ARHGEF18: variants seen among roughly 807,000 people sequenced by gnomAD.
ARHGEF18 encodes the protein rho guanine nucleotide exchange factor 18.
ARHGEF18 carries 93 observed loss-of-function variants against 155.7 expected under a neutral mutation model. The ratio of observed to expected loss-of-function variants is 0.60; its 90% CI spans 0.50 to 0.71. ARHGEF18 has a LOEUF of 0.71. ARHGEF18 is among the 30% of genes least tolerant of loss of function. The probability of loss-of-function intolerance (pLI) is 0.00; values close to 1 mark genes in which losing one functional copy is unlikely to be tolerated. For synonymous variants in ARHGEF18, 742 were observed against 753.1 expected (o/e 0.99, Z 0.24); for missense variants, 1,593 against 1,816.1 (o/e 0.88, Z 2.23).
chr19:7,445,201 C>G (rs191205355), intron 14 of ARHGEF18, among the ~76,000 whole-genome samples: 3 of 152,296 alleles, frequency 2.0e-5, no homozygotes, highest in Admixed American at 2.0e-4. Flanking sequence ...AATCCCAGCA[C>G]TTTGGGAGGC....
chr19:7,387,311 C>T (rs1212191466), intron 10 of ARHGEF18, among the ~76,000 whole-genome samples: 3 of 152,002 alleles, frequency 2.0e-5, no homozygotes, highest in Non-Finnish European at 4.4e-5. Context: ...CGCCACCATG[C>T]CCGGCTAATT....
At chr19:7,410,315 G>T (rs3943931) in intron 10 of ARHGEF18, among the ~76,000 whole-genome samples, 95,544 of 151,624 alleles carry the variant, frequency 0.63, 30,952 homozygotes, top group Middle Eastern at 0.79. Context: ...TCCTCTGTCC[G>T]TCTTAGAGTC....
chr19:7,386,379 C>T (rs1489566451), intron 10 of ARHGEF18, among the ~76,000 whole-genome samples: 1 of 151,852 alleles, frequency 6.6e-6, no homozygotes, highest in East Asian at 1.9e-4. Flanking sequence ...TGAAAAGCAT[C>T]CATCGTCTTC....
rs544935869 is a variant in ARHGEF18, at chr19:7,459,130, C to T, written c.2360+440C>T. On this transcript the variant is annotated intron_variant, in intron 19 of 28. Transcript: ENST00000668164. The stretch of plus-strand genomic sequence containing the variant: ...TGCAATCTCGGCTCACTGCAGCCTC[C>T]GCCTCCCAGGTTCAAACGATTCTGC... Among the ~76,000 whole-genome samples the T allele has an allele frequency of 5.9e-5, 9 of 152,114 alleles. No homozygotes were observed. In the South Asian group the frequency reaches 1.2e-3, roughly 21 times the overall value.
In ARHGEF18 at chr19:7,466,829, TA is replaced by T. The variant is rs369506925; in HGVS notation, c.2905-80del. 722 of 899,512 alleles carry T rather than the reference TA, an allele frequency of 8.0e-4. 6 individuals are homozygous for T. In the African/African-American group the frequency reaches 0.011, roughly 14 times the overall value. 55.7% of individuals were successfully genotyped at this position (899,512 alleles called of 1,614,324 possible). ...CAAAAAAAAAAAAAAAAAAAAAAGTTAAAAAAAAAGAAGAAGAAGAAGAAGG... is the reference window on the plus strand; with the variant it reads ...CAAAAAAAAAAAAAAAAAAAAAAGTTAAAAAAAAGAAGAAGAAGAAGAAGG... On this transcript the variant is annotated intron_variant, in intron 23 of 28. Transcript: ENST00000668164.
chr19:7,458,733 C>T (rs181573505), intron 19 of ARHGEF18, 43 bp downstream of exon 19: 22 of 1,570,132 alleles, frequency 1.4e-5, no homozygotes, highest in African/African-American at 5.4e-5. Flanking sequence ...GTGTTCCTTC[C>T]GCTGATTGGT....
chr19:7,418,671 A>G (rs1035605792), intron 10 of ARHGEF18, among the ~76,000 whole-genome samples: 8 of 151,842 alleles, frequency 5.3e-5, no homozygotes, highest in Middle Eastern at 3.4e-3. Context: ...CTGGCTCTGG[A>G]TCTCGGAGGT....
At chr19:7,383,365 G>A (rs2145455784) in intron 10 of ARHGEF18, 162 bp downstream of exon 10, 3 of 708,950 alleles carry the variant, frequency 4.2e-6, no homozygotes, top group East Asian at 3.4e-5. Context: ...CAGTCCCTGG[G>A]CACAGGGACC....
At chr19:7,362,076 G>GACAA (rs1969611254) in intron 1 of ARHGEF18, among the ~76,000 whole-genome samples, 7 of 22,420 alleles carry the variant, frequency 3.1e-4, no homozygotes, top group African/African-American at 6.7e-4. Context: ...AGAAGGAGAA[G>GACAA]GAGAAGGAGA....
Position 7,440,040 on chromosome 19 carries a change from A to T in ARHGEF18, c.968-304A>T. 1.3e-6 allele frequency: 2 copies of T among 1,550,708 alleles called. No individual in the cohort carries two copies. Among genetic ancestry groups the T allele is most frequent in the Non-Finnish European group, 1.7e-6 (2 of 1,146,828 alleles). ...TCTGTTTTCTAGAAGGATCCCACCGAGGCATAAAAACGGCGCAGCCCAGCC... is the reference window on the plus strand; with the variant it reads ...TCTGTTTTCTAGAAGGATCCCACCGTGGCATAAAAACGGCGCAGCCCAGCC... On this transcript the variant is annotated intron_variant, in intron 10 of 28. Coordinates refer to ENST00000668164, the MANE Select transcript of ARHGEF18 (RefSeq NM_001367823.1). This position sits in a 1 kb window ranked among gnomAD's most constrained non-coding sequence, Gnocchi z 5.4.
chr19:7,455,270 G>A (rs551950245), intron 17 of ARHGEF18, among the ~76,000 whole-genome samples: 1 of 152,322 alleles, frequency 6.6e-6, no homozygotes, highest in African/African-American at 2.4e-5. Context: ...TAAGGCATCA[G>A]TCACTGGGCT....
At position 7,462,466 on chromosome 19, in the gene ARHGEF18, G is replaced by A. The variant is rs1266110402; in HGVS notation, c.2635+132G>A. On this transcript the variant is annotated intron_variant, in intron 21 of 28. Transcript: ENST00000668164. This position sits in a 1 kb window ranked among gnomAD's most constrained non-coding sequence, Gnocchi z 4.4. The stretch of plus-strand genomic sequence containing the variant: ...CAGGACAGGCTTCTATGTGGGGGGG[G>A]CCCAGGAGCAGCACTGACCGCCCCC... The A allele has an allele frequency of 5.2e-6, 5 of 959,594 alleles. No individual in the cohort carries two copies. The East Asian group carries it at 1.4e-4, about 27-fold the overall frequency. The allele number at this position is 959,594 out of a possible 1,614,324, so 59.4% of individuals were successfully genotyped here. A position where few individuals can be genotyped will look rare whatever the true frequency, so the allele number is the denominator to read the frequency against.
chr19:7,376,011 G>A (rs1446088939), intron 4 of ARHGEF18, 141 bp downstream of exon 4: 7 of 982,430 alleles, frequency 7.1e-6, no homozygotes, highest in Non-Finnish European at 9.2e-6. Context: ...TCTGTGGTGT[G>A]GCCCGTGCCT....
rs555428894 is a variant in ARHGEF18 at position 7,355,750 on chromosome 19, A to C, written c.-111+6509A>C. ...GCGGGAGCCATCCACCCAGGTGGGGATCCCAGGACAGCCTGCCCGCCATCC... is the reference window on the plus strand; with the variant it reads ...GCGGGAGCCATCCACCCAGGTGGGGCTCCCAGGACAGCCTGCCCGCCATCC... On this transcript the variant is annotated intron_variant, in intron 1 of 28. Coordinates refer to ENST00000668164, the MANE Select transcript of ARHGEF18 (RefSeq NM_001367823.1). 4.4e-5 allele frequency: 43 copies of C among 977,996 alleles called. No homozygotes were observed. The African/African-American group carries it at 7.5e-4, about 17-fold the overall frequency. The allele number at this position is 977,996 out of a possible 1,614,324, so 60.6% of individuals were successfully genotyped here. A position where few individuals can be genotyped will look rare whatever the true frequency, so the allele number is the denominator to read the frequency against.
At chr19:7,431,605 C>T (rs957457158) in intron 10 of ARHGEF18, among the ~76,000 whole-genome samples, 13 of 151,312 alleles carry the variant, frequency 8.6e-5, no homozygotes, top group African/African-American at 1.9e-4. Flanking sequence ...CACCTGAGGT[C>T]GGGAGTTTGA....
At chr19:7,376,842 C>A in intron 5 of ARHGEF18, 85 bp downstream of exon 5, 1 of 973,300 alleles carries the variant, frequency 1.0e-6, no homozygotes, top group South Asian at 5.3e-5. Context: ...GTTGGGGTTT[C>A]ATCCTTCATC....
At chr19:7,434,333 TA>T (rs2145739046) in intron 10 of ARHGEF18, among the ~76,000 whole-genome samples, 1 of 152,194 alleles carries the variant, frequency 6.6e-6, no homozygotes, top group East Asian at 1.9e-4. Flanking sequence ...AACCAACTTT[TA>T]AAAATCACCC....
chr19:7,433,507 C>CGA (rs1974083053), intron 10 of ARHGEF18, among the ~76,000 whole-genome samples: 1 of 58,284 alleles, frequency 1.7e-5, no homozygotes, highest in African/African-American at 7.0e-5. Flanking sequence ...ACTCCGTCTC[C>CGA]AAAAAAAAAA....
rs779578688 is a variant in ARHGEF18 at position 7,470,269 on chromosome 19, G to A, written c.4057G>A (p.Ala1353Thr). Residue 1353 changes from alanine to threonine, a missense_variant, in exon 29 of 29, where the codon GCC (alanine) becomes ACC (threonine). Ala to Thr is a moderately conservative substitution (Grantham distance 58, BLOSUM62 0). Coordinates refer to ENST00000668164, the MANE Select transcript of ARHGEF18 (RefSeq NM_001367823.1). This position sits in a 1 kb window ranked among gnomAD's most constrained non-coding sequence, Gnocchi z 5.9. ...CACACCACTCAGCGCCAAGGAGGAC[G>A]CCAGCAAAGAAGACGTCATCTTCTT... Reference protein sequence around the residue: ...PATPLSAKEDASKEDVIFF With the variant: ...PATPLSAKEDTSKEDVIFF 14 of 1,557,606 alleles carry A rather than the reference G, an allele frequency of 9.0e-6. No homozygotes were observed. Among genetic ancestry groups the A allele is most frequent in the South Asian group, 7.0e-5 (6 of 85,548 alleles).
Sources: allele counts gnomAD v4.1 joint callset (sites outside exome capture counted in the v4.1 genomes callset), GRCh38; gene constraint gnomAD v4.1.1; non-coding constraint Gnocchi (gnomAD v3.1); transcripts MANE v1.5; gene names NCBI Gene and HGNC (gene_info 2026-07-23, HGNC 2026-07-21).